The following SLC9A9 variants were observed in gnomAD, a reference collection of about 807,000 sequenced individuals.
The protein encoded by SLC9A9 is sodium/hydrogen exchanger 9.
SLC9A9 carries 62 observed loss-of-function variants against 77.8 expected under a neutral mutation model. That is an observed-to-expected ratio of 0.80 (90% CI 0.65 to 0.98). SLC9A9 has a LOEUF of 0.98. Among genes scored for constraint, SLC9A9 ranks in the 50% least tolerant of loss-of-function variants. The pLI is 0.00. For synonymous variants in SLC9A9, 320 were observed against 283.5 expected, an observed-to-expected ratio of 1.13 and a Z score of -1.29; for missense variants, 775 against 774.9, an observed-to-expected ratio of 1.00 and a Z score of 0.00.
At chr3:143,730,296 C>G (rs1048746924) in intron 4 of SLC9A9, among the ~76,000 whole-genome samples, 1 of 152,192 alleles carries the variant, frequency 6.6e-6, no homozygotes, top group African/African-American at 2.4e-5. Context: ...TTCCTCAAAC[C>G]CAACTTCTCC....
intron 6 of SLC9A9, among the ~76,000 whole-genome samples, chr3:143,634,855 C>CT (rs1350235746): frequency 6.6e-6 from 1 of 152,022 alleles, no homozygotes; most frequent in Non-Finnish European, 1.5e-5. Flanking sequence ...TTACTCCCTC[C>CT]TTTTTGATTA....
chr3:143,341,155 A>G (rs2032085775), intron 14 of SLC9A9, among the ~76,000 whole-genome samples: 1 of 152,162 alleles, frequency 6.6e-6, no homozygotes, highest in African/African-American at 2.4e-5. Context: ...TCAGGATAGC[A>G]TTAATTTGGT....
rs145282133 is a variant in SLC9A9 at position 143,390,946 on chromosome 3, G to A, written c.1470-8832C>T. On this transcript the variant is annotated intron_variant, in intron 12 of 15. Transcript: ENST00000316549. Reference sequence around the variant, plus strand: ...TGAGGCTTGAGTAGGTAAACAAAGCGGCTGGGAAGCTTGAACTAGGTGGAG... The same window carrying A: ...TGAGGCTTGAGTAGGTAAACAAAGCAGCTGGGAAGCTTGAACTAGGTGGAG... 9.6e-4 allele frequency among the ~76,000 whole-genome samples: 146 copies of A among 152,324 alleles called. 2 individuals carry two copies. The East Asian group carries it at 0.02, about 21-fold the overall frequency.
intron 4 of SLC9A9, among the ~76,000 whole-genome samples, chr3:143,703,921 G>A (rs932436586): frequency 1.3e-5 from 2 of 152,172 alleles, no homozygotes; most frequent in East Asian, 3.9e-4. Context: ...ATCATTAGTC[G>A]CTACCCTGAG....
At chr3:143,703,637 C>G (rs1360379628) in intron 4 of SLC9A9, among the ~76,000 whole-genome samples, 1 of 151,928 alleles carries the variant, frequency 6.6e-6, no homozygotes, top group African/African-American at 2.4e-5. Flanking sequence ...AATAAACAAC[C>G]TAATGATGTA....
chr3:143,507,264 G>A (rs1473568354), intron 9 of SLC9A9, among the ~76,000 whole-genome samples: 2 of 151,880 alleles, frequency 1.3e-5, no homozygotes, highest in Admixed American at 1.3e-4. Context: ...CTGGAGTGCA[G>A]TGGCGCGATC....
intron 9 of SLC9A9, among the ~76,000 whole-genome samples, chr3:143,550,678 C>T (rs2036866018): frequency 6.6e-6 from 1 of 152,160 alleles, no homozygotes. Flanking sequence ...CAAGCTGATG[C>T]ACCCAGTCCA....
intron 14 of SLC9A9, among the ~76,000 whole-genome samples, chr3:143,296,876 GT>G (rs2030295090): frequency 6.6e-6 from 1 of 152,044 alleles, no homozygotes; most frequent in South Asian, 2.1e-4. Flanking sequence ...TAAATTGGGT[GT>G]TTTTTGGCTA....
chr3:143,535,725 TATA>T (rs887638839), intron 9 of SLC9A9, among the ~76,000 whole-genome samples: 3 of 152,212 alleles, frequency 2.0e-5, no homozygotes, highest in African/African-American at 7.2e-5. Context: ...CCCAAATATA[TATA>T]ATAATATTTT....
In SLC9A9 at chr3:143,464,741, T is replaced by G. The variant is rs2035255792; in HGVS notation, c.1469+2296A>C. On this transcript the variant is annotated intron_variant, in intron 12 of 15. Coordinates refer to ENST00000316549, the MANE Select transcript of SLC9A9 (RefSeq NM_173653.4). ...TTCTCAGGCCTTGACCAAGACCTACTGGATGAGAAACTTGGGCTGGGGCTT... is the reference window on the plus strand; with the variant it reads ...TTCTCAGGCCTTGACCAAGACCTACGGGATGAGAAACTTGGGCTGGGGCTT... Among the ~76,000 whole-genome samples, 3 of 152,330 alleles carry G rather than the reference T, an allele frequency of 2.0e-5. No homozygotes were observed. The South Asian group carries it at 6.2e-4, about 32-fold the overall frequency.
chr3:143,551,058 C>T (rs1179967389), intron 9 of SLC9A9, among the ~76,000 whole-genome samples: 6 of 152,104 alleles, frequency 3.9e-5, no homozygotes, highest in East Asian at 1.9e-4. Context: ...CAATATGACC[C>T]GTGTCCTTAC....
intron 6 of SLC9A9, among the ~76,000 whole-genome samples, chr3:143,625,103 T>G (rs1298677480): frequency 1.3e-5 from 2 of 152,068 alleles, no homozygotes; most frequent in Non-Finnish European, 2.9e-5. Flanking sequence ...CACTGCTCAA[T>G]GAAATAAAAG....
chr3:143,695,605 T>G (rs1933615044), intron 4 of SLC9A9, among the ~76,000 whole-genome samples: 1 of 152,206 alleles, frequency 6.6e-6, no homozygotes, highest in Admixed American at 6.5e-5. Flanking sequence ...TTGGGTTGGT[T>G]CCAAGTCTTT....
intron 14 of SLC9A9, among the ~76,000 whole-genome samples, chr3:143,311,094 C>T (rs1308942298): frequency 6.6e-6 from 1 of 152,216 alleles, no homozygotes; most frequent in African/African-American, 2.4e-5. Flanking sequence ...GGCTTCTCAG[C>T]CCACACAGTC....
chr3:143,377,525 C>A (rs16853508), intron 13 of SLC9A9, among the ~76,000 whole-genome samples: 1 of 152,136 alleles, frequency 6.6e-6, no homozygotes, highest in African/African-American at 2.4e-5. Flanking sequence ...AACGGATCCA[C>A]CCAGGTTACA....
chr3:143,386,829 AT>A (rs2033437738), intron 12 of SLC9A9, among the ~76,000 whole-genome samples: 1 of 151,960 alleles, frequency 6.6e-6, no homozygotes, highest in Admixed American at 6.6e-5. Flanking sequence ...CCAGGTTTTG[AT>A]TTTTTTAAAA....
chr3:143,619,714 C>T (rs2038166866), intron 6 of SLC9A9, among the ~76,000 whole-genome samples: 1 of 152,186 alleles, frequency 6.6e-6, no homozygotes, highest in Non-Finnish European at 1.5e-5. Context: ...AGAGGACCAC[C>T]CACATGGACA....
chr3:143,679,577 C>G (rs1933014436), intron 5 of SLC9A9, among the ~76,000 whole-genome samples: 1 of 152,168 alleles, frequency 6.6e-6, no homozygotes, highest in African/African-American at 2.4e-5. Context: ...CCAGCTGTAA[C>G]TAGCAAAAAA....
At chr3:143,466,973 A>G in intron 12 of SLC9A9, 64 bp downstream of exon 12, 1 of 1,573,180 alleles carries the variant, frequency 6.4e-7, no homozygotes, top group Non-Finnish European at 8.6e-7. Flanking sequence ...AGTCAGCAAT[A>G]CCAGAAATTG....
Sources: allele counts gnomAD v4.1 joint callset (sites outside exome capture counted in the v4.1 genomes callset), GRCh38; gene constraint gnomAD v4.1.1; transcripts MANE v1.5; gene names NCBI Gene and HGNC (gene_info 2026-07-23, HGNC 2026-07-21).